Variants in EVPL observed in about 807,000 individuals in gnomAD.
EVPL encodes envoplakin.
EVPL carries 94 observed loss-of-function variants against 129.7 expected under a neutral mutation model. That is an observed-to-expected ratio of 0.72 (90% CI 0.61 to 0.86). The LOEUF (loss-of-function observed/expected upper bound fraction) is 0.86. EVPL is among the 40% of genes least tolerant of loss of function. EVPL has a pLI of 0.00. For synonymous variants in EVPL, 1,172 were observed against 1,191.1 expected (o/e 0.98, Z 0.33); for missense variants, 2,625 against 2,721.1 (o/e 0.96, Z 0.79).
rs1045522049 is a variant in EVPL, at chr17:76,013,387, C to T, written c.2373+1039G>A. 2.0e-5 allele frequency among the ~76,000 whole-genome samples: 3 copies of T among 152,268 alleles called. No homozygotes were observed. The South Asian group carries it at 6.2e-4, about 32-fold the overall frequency. On this transcript the variant is annotated intron_variant, in intron 18 of 21. Transcript: ENST00000301607. This position sits in a 1 kb window ranked among gnomAD's most constrained non-coding sequence, Gnocchi z 4.3. The stretch of plus-strand genomic sequence containing the variant: ...TGCTCTCACGAGCTCCTAGGGGAAC[C>T]CCCAGCCCCAGTTCCCTCCCATATG...
rs139118872 is a variant in EVPL at position 76,025,957 on chromosome 17, T to C, written c.98+1144A>G. 1.4e-3 allele frequency among the ~76,000 whole-genome samples: 210 copies of C among 152,340 alleles called. 1 individual carries two copies. The South Asian group carries it at 0.016, about 11-fold the overall frequency. ...AGGAAGCCCCAGCTCTATTTTGTTT[T>C]AACAGACAGGGTCTTGCTCTGTCAC... On this transcript the variant is annotated intron_variant, in intron 1 of 21. Transcript: ENST00000301607.
At chr17:76,023,745 C>T (rs574781322) in intron 2 of EVPL, 91 bp from the exon 3 acceptor site, 12 of 1,451,060 alleles carry the variant, frequency 8.3e-6, no homozygotes, top group Admixed American at 2.7e-5. Flanking sequence ...AACTTTGGGA[C>T]CCCAGCTATG....
chr17:76,026,379 T>C (rs1426122429), intron 1 of EVPL, among the ~76,000 whole-genome samples: 2 of 151,750 alleles, frequency 1.3e-5, no homozygotes, highest in Non-Finnish European at 2.9e-5. Flanking sequence ...CTGGCTATTT[T>C]TTATTTTTAT....
In EVPL at chr17:76,021,733, G is replaced by A. The variant is rs2066461349; in HGVS notation, c.856C>T (p.Leu286=). ...ACCATGCGCTCGCCGTCGTCCTCCA[G>A]CTGGTTCACGCTCTGCTCCTGGCTC... ...LLSQEQSVNQ[L]EDDGERMVEL... Residue 286 remains leucine (L), a synonymous_variant, in exon 8 of 22, where the codon CTG becomes TTG. Transcript: ENST00000301607. 1 of 1,610,358 alleles carries A rather than the reference G, an allele frequency of 6.2e-7. No homozygotes were observed. The highest frequency in any genetic ancestry group is 8.5e-7 in the Non-Finnish European group (1 of 1,179,554).
Position 76,008,247 on chromosome 17 carries a change from TAG to T in EVPL, c.4956_4957del (p.Tyr1653ArgfsTer69). 1 of 1,613,706 alleles carries T rather than the reference TAG, an allele frequency of 6.2e-7. No homozygotes were observed. Among genetic ancestry groups the T allele is most frequent in the African/African-American group, 1.3e-5 (1 of 75,070 alleles). On this transcript the variant is annotated frameshift_variant, in exon 22 of 22. Coordinates refer to ENST00000301607, the MANE Select transcript of EVPL (RefSeq NM_001988.4). LOFTEE classifies it high-confidence loss of function. The surrounding 1 kb of genome is among the most constrained non-coding windows in gnomAD (Gnocchi z 7.4). ...GTCCCGGAGCGTCCGCTCCTTCTCG[TAG>T]ATCTGGTCCTTCTCGCGGAGGATGG...
chr17:76,011,648 G>T lies in EVPL; in HGVS notation c.2589C>A (p.Ala863=). ...GCTGTGCTGCTGCAACCTCAGTATAGGCCTTTGCAAGGTTCTTCTCCTGGA... is the reference window on the plus strand; with the variant it reads ...GCTGTGCTGCTGCAACCTCAGTATATGCCTTTGCAAGGTTCTTCTCCTGGA... ...IQAQEKNLAK[A]YTEVAAAQQQ... Residue 863 remains alanine (A), a synonymous_variant, in exon 21 of 22, where the codon GCC becomes GCA. Coordinates refer to ENST00000301607, the MANE Select transcript of EVPL (RefSeq NM_001988.4). 1.2e-6 allele frequency: 2 copies of T among 1,614,182 alleles called. No individual in the cohort carries two copies. The highest frequency in any genetic ancestry group is 2.7e-5 in the African/African-American group (2 of 75,040).
chr17:76,008,639 T>C lies in EVPL; in HGVS notation c.4566A>G (p.Glu1522=), dbSNP rs1261021217. 2.0e-5 allele frequency: 33 copies of C among 1,612,264 alleles called. No homozygotes were observed. The highest frequency in any genetic ancestry group is 2.8e-5 in the Non-Finnish European group (33 of 1,179,990). The change falls in exon 22 of 22, where the codon GAA becomes GAG. Residue 1522 remains glutamate (E), a synonymous_variant. Transcript: ENST00000301607. This position sits in a 1 kb window ranked among gnomAD's most constrained non-coding sequence, Gnocchi z 7.4. ...CGCGGTCCTTCTGCACCCGGATCAC[T>C]TCCTTGTAGATGGTCTTCTCCTGCG... The part of the protein sequence containing the change: ...AKSQEKTIYK[E]VIRVQKDRVL...
intron 14 of EVPL, 83 bp from the exon 15 acceptor site, chr17:76,015,711 T>C (rs2066415406): frequency 7.0e-7 from 1 of 1,420,934 alleles, no homozygotes; most frequent in Non-Finnish European, 9.5e-7. Flanking sequence ...TCTGCGCCCA[T>C]GGAGGCAGTA....
At position 76,025,000 on chromosome 17, in the gene EVPL, G is replaced by GC. The variant is rs1337875025; in HGVS notation, c.99-881dup. On this transcript the variant is annotated intron_variant, in intron 1 of 21. Transcript: ENST00000301607. The surrounding 1 kb of genome is among the most constrained non-coding windows in gnomAD (Gnocchi z 4.5). ...AGCCTTGAACTGGGTCAAAGGATGG[G>GC]CCCCCCCAGGCAAAGGGACAGTGCT... Among the ~76,000 whole-genome samples the GC allele has an allele frequency of 5.3e-5, 8 of 152,054 alleles. No individual in the cohort carries two copies. The highest frequency in any genetic ancestry group is 1.2e-4 in the Non-Finnish European group (8 of 68,008).
intron 1 of EVPL, 105 bp downstream of exon 1, chr17:76,026,996 G>A: frequency 1.6e-6 from 1 of 639,482 alleles, no homozygotes; most frequent in South Asian, 2.3e-5. Flanking sequence ...GCACGGGGCT[G>A]GTCCTGGGCT....
At position 76,008,841 on chromosome 17, in the gene EVPL, G is replaced by A. The variant is rs1256910327; in HGVS notation, c.4364C>T (p.Thr1455Met). Residue 1455 changes from threonine (T) to methionine (M), a missense_variant, in exon 22 of 22, where the codon ACG (threonine) becomes ATG (methionine). Transcript: ENST00000301607. The surrounding 1 kb of genome is among the most constrained non-coding windows in gnomAD (Gnocchi z 7.4). ...CTCCATGATGATCTTCTCCTGCACC[G>A]TGGGAGGCCGCTTCTCGAGCTCCTG... ...RIQELEKRPP[T>M]VQEKIIMEEV... 5.0e-6 allele frequency: 8 copies of A among 1,613,796 alleles called. No homozygotes were observed. Among genetic ancestry groups the A allele is most frequent in the East Asian group, 2.2e-5 (1 of 44,830 alleles).
At position 76,011,603 on chromosome 17, in the gene EVPL, C is replaced by T; in HGVS notation, c.2634G>A (p.Leu878=). 1 of 1,614,176 alleles carries T rather than the reference C, an allele frequency of 6.2e-7. No individual in the cohort carries two copies. Among genetic ancestry groups the T allele is most frequent in the Non-Finnish European group, 8.5e-7 (1 of 1,180,028 alleles). The change falls in exon 21 of 22, where the codon CTG becomes CTA. Residue 878 remains leucine, a synonymous_variant. Coordinates refer to ENST00000301607, the MANE Select transcript of EVPL (RefSeq NM_001988.4). ...AAAQQQLLQQ[L]EFARKMLEKK... ...TCTCCAGCATTTTTCTAGCAAACTCCAGCTGCTGGAGCAGCTGCTGCTGTG... is the reference window on the plus strand; with the variant it reads ...TCTCCAGCATTTTTCTAGCAAACTCTAGCTGCTGGAGCAGCTGCTGCTGTG...
rs755770788 is a variant in EVPL, at chr17:76,018,460, C to T, written c.1425G>A (p.Val475=). The T allele has an allele frequency of 3.7e-6, 6 of 1,612,118 alleles. No individual in the cohort carries two copies. The highest frequency in any genetic ancestry group is 2.7e-5 in the African/African-American group (2 of 74,940). The change falls in exon 12 of 22, where the codon GTG becomes GTA. Residue 475 remains valine (V), a synonymous_variant. Transcript: ENST00000301607. ...CACAGACCTACCGGGAGGCCCTGGC[C>T]ACAGCATCAGGGTCTGGTGCTGGGA... ...FCIPAPDPDA[V]ARASRLASEL... is the part of the protein sequence containing the mutation.
Position 76,022,518 on chromosome 17 carries a change from C to T in EVPL, c.501G>A (p.Gln167=). The change falls in exon 5 of 22, where the codon CAG becomes CAA. Residue 167 remains glutamine (Q), a synonymous_variant. Coordinates refer to ENST00000301607, the MANE Select transcript of EVPL (RefSeq NM_001988.4). The surrounding 1 kb of genome is among the most constrained non-coding windows in gnomAD (Gnocchi z 5.6). ...EQKQKQVCAG[Q]YGPGMAELEQ... is the part of the protein sequence containing the mutation. ...CCAGCTCCGCCATGCCCGGCCCGTA[C>T]TGGCCTGCGCAGACCTGCTTCTGCA... 1.2e-6 allele frequency: 2 copies of T among 1,608,638 alleles called. No homozygotes were observed. The highest frequency in any genetic ancestry group is 1.3e-5 in the African/African-American group (1 of 75,028).
In EVPL at chr17:76,023,437, G is replaced by A; in HGVS notation, c.354-19C>T. On this transcript the variant is annotated intron_variant, in intron 3 of 21. Transcript: ENST00000301607. Reference sequence around the variant, plus strand: ...CTTGATGCTGTCAAGAAGGTGGCCGGCAGGTCAGGGCTGGACCTGGGTCTT... The same window carrying A: ...CTTGATGCTGTCAAGAAGGTGGCCGACAGGTCAGGGCTGGACCTGGGTCTT... 1.2e-6 allele frequency: 2 copies of A among 1,613,298 alleles called. No individual in the cohort carries two copies. The highest frequency in any genetic ancestry group is 8.5e-7 in the Non-Finnish European group (1 of 1,179,844).
intron 9 of EVPL, 85 bp downstream of exon 9, chr17:76,021,383 C>T (rs2066455840): frequency 1.3e-5 from 17 of 1,297,130 alleles, no homozygotes; most frequent in Non-Finnish European, 1.8e-5. Flanking sequence ...AGGTGCAGTG[C>T]CTCTCCTGTG....
rs755805881 is a variant in EVPL at position 76,023,546 on chromosome 17, T to G, written c.307A>C (p.Lys103Gln). 1 of 1,613,242 alleles carries G rather than the reference T, an allele frequency of 6.2e-7. No individual in the cohort carries two copies. The highest frequency in any genetic ancestry group is 1.3e-5 in the African/African-American group (1 of 74,918). Residue 103 changes from lysine (K) to glutamine (Q), a missense_variant, in exon 3 of 22, where the codon AAG (lysine) becomes CAG (glutamine). By Grantham distance (53) the Lys-to-Gln change is moderately conservative. Transcript: ENST00000301607. ...LLKDLFLDVD[K>Q]ARRLKHPQAE... ...TGCGGGTGCTTGAGCCGCCGGGCCT[T>G]GTCCACGTCCAGGAAGAGGTCCTTG... is the stretch of plus-strand genomic sequence containing the variant.
Position 76,018,991 on chromosome 17 carries a change from C to G in EVPL, c.1207G>C (p.Ala403Pro), listed in dbSNP as rs2144426164. Residue 403 changes from alanine to proline, a missense_variant, in exon 11 of 22, where the codon GCC becomes CCC. Ala to Pro is a conservative substitution (Grantham distance 27). This residue lies in a region of EVPL where 1,024 missense variants were observed against 997.5 expected (regional missense o/e 1.03). Transcript: ENST00000301607. ...GDLQRRSRDV[A>P]PLPQRRNPPQ... ...GGGTTTCTTCGCTGTGGCAGAGGGG[C>G]CACATCCCGGCTTCGCCGCTGCAGG... 6.4e-7 allele frequency: 1 copy of G among 1,567,034 alleles called. No homozygotes were observed. The highest frequency in any genetic ancestry group is 8.6e-7 in the Non-Finnish European group (1 of 1,162,564).
In EVPL at chr17:76,027,298, AAG is replaced by A; in HGVS notation, c.-102_-101del. On this transcript the variant is annotated 5_prime_UTR_variant, in exon 1 of 22. Transcript: ENST00000301607. ...GGGCGTCCTCACTGGCTGGTCAGCT[AAG>A]TCTGGCGAGGTGGGGCGGCTGGGCA... 1 of 864,818 alleles carries A rather than the reference AAG, an allele frequency of 1.2e-6. No individual in the cohort carries two copies. Among genetic ancestry groups the A allele is most frequent in the Non-Finnish European group, 1.9e-6 (1 of 520,612 alleles). 53.6% of individuals were successfully genotyped at this position (864,818 alleles called of 1,614,324 possible). A position where few individuals can be genotyped will look rare whatever the true frequency, so the allele number is the denominator to read the frequency against.
Sources: allele counts gnomAD v4.1 joint callset (sites outside exome capture counted in the v4.1 genomes callset), GRCh38; gene constraint gnomAD v4.1.1; regional missense constraint gnomAD v4.1.1; non-coding constraint Gnocchi (gnomAD v3.1); transcripts MANE v1.5; gene names NCBI Gene and HGNC (gene_info 2026-07-23, HGNC 2026-07-21).